ITGAX: variants seen among roughly 807,000 people sequenced by gnomAD.
ITGAX encodes integrin alpha-X.
In ITGAX, 99 loss-of-function variants were observed where a neutral mutation model predicts 140.2. The observed-to-expected ratio is 0.71, with a 90% CI of 0.60 to 0.83. The LOEUF is 0.83. ITGAX is among the 40% of genes least tolerant of loss of function. The pLI, the probability that ITGAX is intolerant of heterozygous loss-of-function variation, is 0.00. For synonymous variants in ITGAX, 631 were observed against 600.4 expected (o/e 1.05, Z -0.75); for missense variants, 1,444 against 1,482.0 (o/e 0.97, Z 0.42).
Position 31,380,015 on chromosome 16 carries a change from G to T in ITGAX, c.3010G>T (p.Ala1004Ser), listed in dbSNP as rs762377072. Residue 1004 changes from alanine (A) to serine (S), a missense_variant, in exon 26 of 30, where the codon GCA becomes TCA. By Grantham distance (99) the Ala-to-Ser change is moderately conservative. Coordinates refer to ENST00000268296, the MANE Select transcript of ITGAX (RefSeq NM_000887.5). ...PSLRCSSEKI[A>S]PPASDFLAHI... ...CCTTCGGTGCTCCTCAGAGAAAATCGCACCCCCAGCATCTGACTTCCTGGC... is the reference window on the plus strand; with the variant it reads ...CCTTCGGTGCTCCTCAGAGAAAATCTCACCCCCAGCATCTGACTTCCTGGC... 9.9e-6 allele frequency: 16 copies of T among 1,613,918 alleles called. No individual in the cohort carries two copies. In the African/African-American group the frequency reaches 2.1e-4, roughly 22 times the overall value.
chr16:31,372,164 C>G (rs2080971637), intron 17 of ITGAX, among the ~76,000 whole-genome samples: 1 of 123,328 alleles, frequency 8.1e-6, no homozygotes, highest in Non-Finnish European at 1.8e-5. Context: ...ATCGGGAGGT[C>G]TGGGGGGGGG....
rs372232431 is a variant in ITGAX, at chr16:31,381,946, T to A, written c.*39T>A. 1.6e-6 allele frequency: 2 copies of A among 1,219,830 alleles called. No homozygotes were observed. The highest frequency in any genetic ancestry group is 2.4e-6 in the Non-Finnish European group (2 of 822,336). 75.6% of individuals were successfully genotyped at this position (1,219,830 alleles called of 1,614,324 possible). A position where few individuals can be genotyped will look rare whatever the true frequency, so the allele number is the denominator to read the frequency against. On this transcript the variant is annotated 3_prime_UTR_variant, in exon 30 of 30. Coordinates refer to ENST00000268296, the MANE Select transcript of ITGAX (RefSeq NM_000887.5). ...TTGGACTTCTTCTCCCCCGCGAGTT[T>A]TCCCCACTTACTTACCCTCACCTGT...
At chr16:31,355,809 A>T (rs1326286779) in intron 1 of ITGAX, 84 bp from the exon 2 acceptor site, 4 of 1,035,098 alleles carry the variant, frequency 3.9e-6, no homozygotes, top group Non-Finnish European at 5.9e-6. Context: ...CGGAGGGGAG[A>T]TTGGGACGCT....
At chr16:31,379,736 C>G in intron 24 of ITGAX, 21 bp from the exon 25 acceptor site, 1 of 1,607,458 alleles carries the variant, frequency 6.2e-7, no homozygotes, top group Non-Finnish European at 8.5e-7. Context: ...GTGGGCTCTG[C>G]CCTCAGTGCC....
At position 31,371,726 on chromosome 16, in the gene ITGAX, G is replaced by GCCGAGT. The variant is rs750786798; in HGVS notation, c.2111_2116dup (p.Arg704_Val705dup). 2.2e-5 allele frequency: 35 copies of GCCGAGT among 1,614,134 alleles called. No individual in the cohort carries two copies. Among genetic ancestry groups the GCCGAGT allele is most frequent in the Non-Finnish European group, 2.3e-5 (27 of 1,180,048 alleles). ...CAGGAAACAAAGAACCGGAGTCTGAGCCGAGTCCGAGTCCTCGGGCTGAAG... is the reference window on the plus strand; with the variant it reads ...CAGGAAACAAAGAACCGGAGTCTGAGCCGAGTCCGAGTCCGAGTCCTCGGGCTGAAG... On this transcript the variant is annotated inframe_insertion, in exon 17 of 30. Transcript: ENST00000268296.
chr16:31,362,282 A>C, intron 11 of ITGAX, 78 bp downstream of exon 11: 1 of 1,149,196 alleles, frequency 8.7e-7, no homozygotes, highest in Non-Finnish European at 1.2e-6. Context: ...GGGAAGGGGT[A>C]TGGGGGCTGT....
chr16:31,356,554 A>C (rs1281645143), intron 2 of ITGAX, 71 bp from the exon 3 acceptor site: 8 of 1,090,930 alleles, frequency 7.3e-6, no homozygotes, highest in South Asian at 1.3e-5. Flanking sequence ...GAGGGAACGC[A>C]AACTTGCCGG....
intron 17 of ITGAX, among the ~76,000 whole-genome samples, chr16:31,372,176 A>T (rs1463053597): frequency 1.5e-5 from 2 of 131,208 alleles, no homozygotes; most frequent in Non-Finnish European, 1.6e-5. Flanking sequence ...GGGGGGGGGG[A>T]GGAAAAAAAC....
In ITGAX at chr16:31,372,514, G is replaced by A; in HGVS notation, c.2292+5G>A. 1 of 1,611,150 alleles carries A rather than the reference G, an allele frequency of 6.2e-7. No homozygotes were observed. The highest frequency in any genetic ancestry group is 8.5e-7 in the Non-Finnish European group (1 of 1,179,128). ...CAGAGATACTTCACGGCCTCCGTGAGTCCTGGCACTGGGTCTCCCAGAGAG... is the reference window on the plus strand; with the variant it reads ...CAGAGATACTTCACGGCCTCCGTGAATCCTGGCACTGGGTCTCCCAGAGAG... On this transcript the variant is annotated splice_donor_5th_base_variant and intron_variant, in intron 18 of 29. Coordinates refer to ENST00000268296, the MANE Select transcript of ITGAX (RefSeq NM_000887.5).
At position 31,364,478 on chromosome 16, in the gene ITGAX, G is replaced by A. The variant is rs150514757; in HGVS notation, c.1710+1104G>A. ...GGCAAAGGATTTGGATAGGGTAGACGTTTCTCCAAAGAAGAGGTACAAAGG... is the reference window on the plus strand; with the variant it reads ...GGCAAAGGATTTGGATAGGGTAGACATTTCTCCAAAGAAGAGGTACAAAGG... On this transcript the variant is annotated intron_variant, in intron 14 of 29. Transcript: ENST00000268296. 7.4e-5 allele frequency among the ~76,000 whole-genome samples: 11 copies of A among 147,998 alleles called. No homozygotes were observed. The East Asian group carries it at 2.2e-3, about 29-fold the overall frequency.
At chr16:31,371,016 C>T in intron 14 of ITGAX, 68 bp from the exon 15 acceptor site, 1 of 1,601,122 alleles carries the variant, frequency 6.2e-7, no homozygotes, top group Non-Finnish European at 8.5e-7. Flanking sequence ...TCCATATTCC[C>T]CTTGTTACTT....
At chr16:31,372,303 A>G in intron 17 of ITGAX, 75 bp from the exon 18 acceptor site, 3 of 1,531,664 alleles carry the variant, frequency 2.0e-6, no homozygotes, top group Non-Finnish European at 1.7e-6. Context: ...GAGGCAGGAT[A>G]AGAACTGCGG....
At chr16:31,362,512 T>C in intron 11 of ITGAX, 99 bp from the exon 12 acceptor site, 1 of 1,433,460 alleles carries the variant, frequency 7.0e-7, no homozygotes, top group Admixed American at 2.4e-5. Flanking sequence ...GGGTCCAGGG[T>C]TCTGGGGAGG....
In ITGAX at chr16:31,359,687, C is replaced by T. The variant is rs1363261193; in HGVS notation, c.431-13C>T. 5.0e-6 allele frequency: 8 copies of T among 1,613,438 alleles called. No homozygotes were observed. The highest frequency in any genetic ancestry group is 2.2e-5 in the East Asian group (1 of 44,876). ...AGTGTCACTTGGAGGACCGGTGCCA[C>T]CTCCTTCCCCAGAGTGCCCAAGACA... On this transcript the variant is annotated splice_polypyrimidine_tract_variant and intron_variant, in intron 5 of 29. Transcript: ENST00000268296.
Position 31,363,259 on chromosome 16 carries a change from A to T in ITGAX, c.1595A>T (p.Asn532Ile). The change falls in exon 14 of 30, where the codon AAT becomes ATT. Residue 532 changes from asparagine (N) to isoleucine (I), a missense_variant. By Grantham distance (149) the Asn-to-Ile change is moderately radical. Coordinates refer to ENST00000268296, the MANE Select transcript of ITGAX (RefSeq NM_000887.5). ...GCTCTGACAGTGCTGGGGGATGTGA[A>T]TGGGGACAAGCTGACAGACGTGGTC... is the stretch of plus-strand genomic sequence containing the variant. The part of the protein sequence containing the change: ...GAALTVLGDV[N>I]GDKLTDVVIG... The T allele has an allele frequency of 6.2e-7, 1 of 1,613,512 alleles. No homozygotes were observed. Among genetic ancestry groups the T allele is most frequent in the Non-Finnish European group, 8.5e-7 (1 of 1,179,796 alleles).
At chr16:31,365,846 C>G (rs2080887389) in intron 14 of ITGAX, among the ~76,000 whole-genome samples, 1 of 152,226 alleles carries the variant, frequency 6.6e-6, no homozygotes, top group East Asian at 1.9e-4. Flanking sequence ...TGGCTTGAAC[C>G]CAGGAATCGG....
intron 26 of ITGAX, 66 bp downstream of exon 26, chr16:31,380,131 C>T: frequency 2.6e-6 from 4 of 1,561,150 alleles, no homozygotes; most frequent in Non-Finnish European, 3.5e-6. Context: ...CCCAGGAGTT[C>T]ATGTTCCATA....
intron 19 of ITGAX, 100 bp from the exon 20 acceptor site, chr16:31,373,149 C>A: frequency 1.3e-6 from 1 of 793,052 alleles, no homozygotes; most frequent in Non-Finnish European, 1.9e-6. Flanking sequence ...GGGTCCGTCC[C>A]CTGTCTATCT....
rs779803134 is a variant in ITGAX at position 31,362,998 on chromosome 16, C to T, written c.1423C>T (p.Leu475=). The stretch of plus-strand genomic sequence containing the variant: ...CGTAGACAGCGACGGCAGCACCGAC[C>T]TGGTCCTCATCGGGGCCCCCCATTA... ...VDVDSDGSTD[L]VLIGAPHYYE... is the part of the protein sequence containing the mutation. The change falls in exon 13 of 30, where the codon CTG becomes TTG. Residue 475 remains leucine, a synonymous_variant. Coordinates refer to ENST00000268296, the MANE Select transcript of ITGAX (RefSeq NM_000887.5). The T allele has an allele frequency of 8.7e-6, 14 of 1,609,254 alleles. No homozygotes were observed. Among genetic ancestry groups the T allele is most frequent in the Middle Eastern group, 2.2e-4 (1 of 4,580 alleles).
Sources: allele counts gnomAD v4.1 joint callset (sites outside exome capture counted in the v4.1 genomes callset), GRCh38; gene constraint gnomAD v4.1.1; transcripts MANE v1.5; gene names NCBI Gene and HGNC (gene_info 2026-07-23, HGNC 2026-07-21).